The following TRAPPC12 variants were observed in gnomAD, a reference collection of about 807,000 sequenced individuals.
TRAPPC12 encodes TPR repeat protein 15.
In TRAPPC12, 61 loss-of-function variants were observed where a neutral mutation model predicts 69.2. The observed-to-expected ratio is 0.88, with a 90% CI of 0.72 to 1.09. The LOEUF is 1.09. Ranked by LOEUF, TRAPPC12 falls within the 50% of genes least tolerant of loss-of-function variation. TRAPPC12 has a pLI of 0.00. For missense variants in TRAPPC12, 1,101 were observed against 1,016.4 expected, an observed-to-expected ratio of 1.08 and a Z score of -1.13; for synonymous variants, 469 against 438.9, an observed-to-expected ratio of 1.07 and a Z score of -0.86.
intron 9 of TRAPPC12, among the ~76,000 whole-genome samples, chr2:3,466,776 T>G (rs965517269): frequency 1.3e-5 from 2 of 152,176 alleles, no homozygotes; most frequent in Non-Finnish European, 2.9e-5. Context: ...CAGGCACAGA[T>G]GCGTGACGCG....
chr2:3,478,784 GTGTTGGGGGACAGCAGCT>G, intron 10 of TRAPPC12, 44 bp from the exon 11 acceptor site: 1 of 1,459,266 alleles, frequency 6.9e-7, no homozygotes, highest in South Asian at 1.2e-5. Flanking sequence ...CCTGTGGGTT[GTGTTGGGGGACAGCAGCT>G]CCTGGGCTTT....
chr2:3,477,653 A>AT (rs1481040027), intron 9 of TRAPPC12, 42 bp from the exon 10 acceptor site: 8 of 1,267,324 alleles, frequency 6.3e-6, no homozygotes, highest in Non-Finnish European at 7.9e-6. Flanking sequence ...TAGACTTAAT[A>AT]TTTCTTTTGT....
intron 2 of TRAPPC12, 68 bp downstream of exon 2, chr2:3,388,738 C>T: frequency 1.4e-6 from 2 of 1,399,712 alleles, no homozygotes; most frequent in Non-Finnish European, 1.9e-6. Flanking sequence ...CGCACAGTGC[C>T]CCTTTAGGGA....
intron 2 of TRAPPC12, among the ~76,000 whole-genome samples, chr2:3,395,692 A>G (rs1661091403): frequency 1.3e-5 from 2 of 150,372 alleles, no homozygotes; most frequent in South Asian, 4.2e-4. Context: ...CCTCCAGAGT[A>G]GCTGGGACTA....
At chr2:3,474,976 C>T (rs949442438) in intron 9 of TRAPPC12, among the ~76,000 whole-genome samples, 4 of 152,260 alleles carry the variant, frequency 2.6e-5, no homozygotes, top group African/African-American at 4.8e-5. Flanking sequence ...CTCGTGGATT[C>T]GCACAGAGTA....
chr2:3,421,337 A>G (rs539121205), intron 3 of TRAPPC12, among the ~76,000 whole-genome samples: 155 of 152,358 alleles, frequency 1.0e-3, no homozygotes, highest in African/African-American at 3.7e-3. Flanking sequence ...TATACTGTGC[A>G]TTGCCACACG....
At chr2:3,408,516 A>G (rs1379110677) in intron 3 of TRAPPC12, among the ~76,000 whole-genome samples, 2 of 152,222 alleles carry the variant, frequency 1.3e-5, no homozygotes, top group South Asian at 2.1e-4. Context: ...AGTCCCAGCT[A>G]CTTGTGGGGC....
intron 4 of TRAPPC12, among the ~76,000 whole-genome samples, chr2:3,423,655 G>A (rs1028878781): frequency 6.6e-6 from 1 of 152,134 alleles, no homozygotes; most frequent in Non-Finnish European, 1.5e-5. Context: ...CTCATCCACA[G>A]CACAAACGAC....
intron 6 of TRAPPC12, 72 bp downstream of exon 6, chr2:3,443,963 C>A: frequency 8.5e-7 from 1 of 1,173,822 alleles, no homozygotes; most frequent in Non-Finnish European, 1.2e-6. Context: ...AGGACATGCC[C>A]GTGCTGTTCC....
intron 3 of TRAPPC12, among the ~76,000 whole-genome samples, chr2:3,404,649 A>T (rs1198700595): frequency 6.6e-6 from 1 of 152,066 alleles, no homozygotes; most frequent in Admixed American, 6.5e-5. Flanking sequence ...TCTGTAATAA[A>T]CACCGTGACA....
chr2:3,431,216 T>C (rs1663417825), intron 5 of TRAPPC12, among the ~76,000 whole-genome samples: 1 of 152,234 alleles, frequency 6.6e-6, no homozygotes, highest in African/African-American at 2.4e-5. Context: ...TACAGTGGGA[T>C]GCACTTAACG....
chr2:3,478,861 CGG>C lies in TRAPPC12; in HGVS notation c.1895_1896del (p.Gly632AlafsTer3). On this transcript the variant is annotated frameshift_variant, in exon 11 of 12. Coordinates refer to ENST00000324266, the MANE Select transcript of TRAPPC12 (RefSeq NM_016030.6). LOFTEE classifies it high-confidence loss of function. ...TGTGTTACAGCGCGTTCCTTCACCT[CGG>C]GCAGAATAACTTTGCAGAAGCCCAC... ...VLMNSAFLHL[G>X]QNNFAEAHRF... 6.2e-7 allele frequency: 1 copy of C among 1,614,076 alleles called. No individual in the cohort carries two copies.
chr2:3,453,414 C>T (rs1221875068), intron 6 of TRAPPC12, among the ~76,000 whole-genome samples: 1 of 152,206 alleles, frequency 6.6e-6, no homozygotes, highest in Non-Finnish European at 1.5e-5. Context: ...ACTCTGCCCT[C>T]CACAGTCCTT....
At chr2:3,405,027 A>G (rs1417010140) in intron 3 of TRAPPC12, among the ~76,000 whole-genome samples, 1 of 152,138 alleles carries the variant, frequency 6.6e-6, no homozygotes, top group African/African-American at 2.4e-5. Flanking sequence ...CACATTTTCA[A>G]ACTGTGATTC....
intron 6 of TRAPPC12, among the ~76,000 whole-genome samples, chr2:3,451,766 C>T (rs921533285): frequency 6.6e-6 from 1 of 152,200 alleles, no homozygotes; most frequent in Non-Finnish European, 1.5e-5. Flanking sequence ...TCAAGCAGTT[C>T]TCCCACCTCA....
chr2:3,457,966 C>A (rs965812184), intron 7 of TRAPPC12: 16 of 1,310,948 alleles, frequency 1.2e-5, no homozygotes, highest in Non-Finnish European at 1.6e-5. Flanking sequence ...ACCTGCCACG[C>A]TGAGTGGTCT....
At chr2:3,411,946 A>G (rs530315622) in intron 3 of TRAPPC12, among the ~76,000 whole-genome samples, 16 of 152,190 alleles carry the variant, frequency 1.1e-4, no homozygotes, top group African/African-American at 3.9e-4. Context: ...AAAAAATTCT[A>G]ATTTTTTTAG....
chr2:3,402,460 G>A (rs991730476), intron 3 of TRAPPC12, among the ~76,000 whole-genome samples: 4 of 152,058 alleles, frequency 2.6e-5, no homozygotes, highest in Non-Finnish European at 5.9e-5. Context: ...ATGGTGGTGC[G>A]TTCCTGTAAT....
intron 8 of TRAPPC12, among the ~76,000 whole-genome samples, chr2:3,461,557 C>T (rs1358991658): frequency 6.6e-6 from 1 of 152,242 alleles, no homozygotes; most frequent in Non-Finnish European, 1.5e-5. Context: ...CCAGCTCTGA[C>T]ATTCACACAG....
Sources: allele counts gnomAD v4.1 joint callset (sites outside exome capture counted in the v4.1 genomes callset), GRCh38; gene constraint gnomAD v4.1.1; transcripts MANE v1.5; gene names NCBI Gene and HGNC (gene_info 2026-07-23, HGNC 2026-07-21).